PRKN: variants seen among roughly 807,000 people sequenced by gnomAD.
The protein encoded by PRKN is parkin RBR E3 ubiquitin protein ligase, also known as E3 ubiquitin-protein ligase parkin.
Under a neutral mutation model 59.5 loss-of-function variants are expected in PRKN, and 56 were observed. The ratio of observed to expected loss-of-function variants is 0.94; its 90% CI spans 0.76 to 1.18. The LOEUF (loss-of-function observed/expected upper bound fraction) is 1.18, where lower values mean the gene tolerates loss of function less well. PRKN is among the 50% of genes most tolerant of loss of function. The pLI, the probability that PRKN is intolerant of heterozygous loss-of-function variation, is 0.00. For synonymous variants in PRKN, 250 were observed against 222.1 expected (o/e 1.13, Z -1.12); for missense variants, 657 against 596.4 (o/e 1.10, Z -1.06).
At chr6:161,750,472 T>G (rs959974153) in intron 7 of PRKN, among the ~76,000 whole-genome samples, 1 of 152,014 alleles carries the variant, frequency 6.6e-6, no homozygotes, top group Admixed American at 6.6e-5. Context: ...GAATAAATAT[T>G]TTAAGTCAGT....
At chr6:161,571,784 G>T (rs1441332011) in intron 7 of PRKN, among the ~76,000 whole-genome samples, 1 of 152,174 alleles carries the variant, frequency 6.6e-6, no homozygotes, top group African/African-American at 2.4e-5. Flanking sequence ...ATCTGAGTCT[G>T]TGGACCAAGA....
At chr6:161,730,195 ATTCT>A (rs1787624827) in intron 7 of PRKN, among the ~76,000 whole-genome samples, 1 of 147,458 alleles carries the variant, frequency 6.8e-6, no homozygotes, top group Non-Finnish European at 1.5e-5. Context: ...GATGTGTTGC[ATTCT>A]TTCTGTGTTG....
In PRKN at chr6:161,576,230, C is replaced by G. The variant is rs934096283; in HGVS notation, c.872-6814G>C. Among the ~76,000 whole-genome samples the G allele has an allele frequency of 1.3e-5, 2 of 152,180 alleles. No individual in the cohort carries two copies. Among genetic ancestry groups the G allele is most frequent in the Non-Finnish European group, 2.9e-5 (2 of 68,022 alleles). On this transcript the variant is annotated intron_variant, in intron 7 of 11. Transcript: ENST00000366898. This position sits in a 1 kb window ranked among gnomAD's most constrained non-coding sequence, Gnocchi z 4.6. ...TATCGTTTTCATAAATAAAGCCAAG[C>G]TTATTTTAATCCTTTCTCTCTGCTG...
intron 2 of PRKN, among the ~76,000 whole-genome samples, chr6:162,298,172 AG>A (rs1781768819): frequency 7.8e-6 from 1 of 128,570 alleles, no homozygotes; most frequent in Non-Finnish European, 1.6e-5. Flanking sequence ...GACGGAGGGG[AG>A]AGAGAGAGAG....
In PRKN at chr6:161,454,469, T is replaced by C. The variant is rs987960584; in HGVS notation, c.1084-67592A>G. Among the ~76,000 whole-genome samples, 1 of 152,206 alleles carries C rather than the reference T, an allele frequency of 6.6e-6. No homozygotes were observed. The highest frequency in any genetic ancestry group is 2.4e-5 in the African/African-American group (1 of 41,462). ...GGCAGGAGGAACAGCAGTTCATTCG[T>C]GGTCTTGAGTCCAGGTTCCAGGTTC... On this transcript the variant is annotated intron_variant, in intron 9 of 11. Transcript: ENST00000366898. This position sits in a 1 kb window ranked among gnomAD's most constrained non-coding sequence, Gnocchi z 4.6.
intron 7 of PRKN, among the ~76,000 whole-genome samples, chr6:161,623,691 C>T (rs1782989223): frequency 1.3e-5 from 2 of 152,168 alleles, no homozygotes; most frequent in South Asian, 2.1e-4. Context: ...CCTGTGTATA[C>T]TCTCTAACAC....
intron 3 of PRKN, among the ~76,000 whole-genome samples, chr6:162,224,209 A>G (rs534881034): frequency 6.6e-6 from 1 of 152,294 alleles, no homozygotes; most frequent in East Asian, 1.9e-4. Context: ...CTGCCTAACA[A>G]TGTTCTGGTC....
chr6:161,795,950 C>G (rs1414844252), intron 6 of PRKN, among the ~76,000 whole-genome samples: 1 of 152,080 alleles, frequency 6.6e-6, no homozygotes, highest in Non-Finnish European at 1.5e-5. Flanking sequence ...ATTAAAGTCC[C>G]AAATTCTTCC....
At position 162,164,207 on chromosome 6, in the gene PRKN, G is replaced by A. The variant is rs139977465; in HGVS notation, c.534+36924C>T. ...AGTATTTAGCAAAAAAAGGTTTTGA[G>A]TGGTCAACCTGTGTATTTGTTTATT... is the stretch of plus-strand genomic sequence containing the variant. On this transcript the variant is annotated intron_variant, in intron 4 of 11. Coordinates refer to ENST00000366898, the MANE Select transcript of PRKN (RefSeq NM_004562.3). Among the ~76,000 whole-genome samples, 26 of 149,058 alleles carry A rather than the reference G, an allele frequency of 1.7e-4. No individual in the cohort carries two copies. The East Asian group carries it at 5.0e-3, about 29-fold the overall frequency.
chr6:162,226,362 G>C (rs1447009924), intron 3 of PRKN, among the ~76,000 whole-genome samples: 1 of 152,094 alleles, frequency 6.6e-6, no homozygotes, highest in East Asian at 1.9e-4. Flanking sequence ...GCTGTGGATA[G>C]GGGCCCTAGG....
rs1779975759 is a variant in PRKN at position 161,550,723 on chromosome 6, A to ATGTGTGTGTGTGCACGTGTGTGTG, written c.934-1744_934-1721dup. Among the ~76,000 whole-genome samples the ATGTGTGTGTGTGCACGTGTGTGTG allele has an allele frequency of 8.4e-6, 1 of 119,350 alleles. No individual in the cohort carries two copies. The highest frequency in any genetic ancestry group is 1.9e-5 in the Non-Finnish European group (1 of 53,638). The allele number at this position is 119,350 out of a possible 152,430, so 78.3% of individuals were successfully genotyped here. A position where few individuals can be genotyped will look rare whatever the true frequency, so the allele number is the denominator to read the frequency against. ...GGACAACTGTGGTAGAAGAAAGGGT[A>ATGTGTGTGTGTGCACGTGTGTGTG]TGTGTGTGTGTGCACGTGTGTGTGT... On this transcript the variant is annotated intron_variant, in intron 8 of 11. Transcript: ENST00000366898. The surrounding 1 kb of genome is among the most constrained non-coding windows in gnomAD (Gnocchi z 4.0).
At chr6:162,029,431 G>A (rs1783557063) in intron 5 of PRKN, among the ~76,000 whole-genome samples, 1 of 152,154 alleles carries the variant, frequency 6.6e-6, no homozygotes, top group African/African-American at 2.4e-5. Context: ...AAGGGATGTG[G>A]CTTTCACATC....
chr6:162,429,705 C>T (rs1347949638), intron 2 of PRKN, among the ~76,000 whole-genome samples: 1 of 152,150 alleles, frequency 6.6e-6, no homozygotes, highest in Non-Finnish European at 1.5e-5. Flanking sequence ...TTAAAGTCTG[C>T]ACTCAAATAG....
Position 161,372,396 on chromosome 6 carries a change from A to G in PRKN, c.1168-12191T>C, listed in dbSNP as rs921299591. On this transcript the variant is annotated intron_variant, in intron 10 of 11. Transcript: ENST00000366898. The surrounding 1 kb of genome is among the most constrained non-coding windows in gnomAD (Gnocchi z 4.2). ...GGGGTCAAAGCCGACCACAGAGCCTACCTTTTGTGCAAAGTATAGTTATTC... is the reference window on the plus strand; with the variant it reads ...GGGGTCAAAGCCGACCACAGAGCCTGCCTTTTGTGCAAAGTATAGTTATTC... Among the ~76,000 whole-genome samples the G allele has an allele frequency of 4.6e-5, 7 of 152,202 alleles. No homozygotes were observed. Among genetic ancestry groups the G allele is most frequent in the Admixed American group, 4.6e-4 (7 of 15,284 alleles).
intron 5 of PRKN, among the ~76,000 whole-genome samples, chr6:162,040,237 A>G (rs1028217849): frequency 6.6e-5 from 10 of 152,240 alleles, no homozygotes; most frequent in Middle Eastern, 6.8e-3. Context: ...GGCATTTACA[A>G]TGTTGTTTGG....
intron 1 of PRKN, among the ~76,000 whole-genome samples, chr6:162,496,553 A>G (rs1219242402): frequency 6.6e-6 from 1 of 152,154 alleles, no homozygotes; most frequent in Non-Finnish European, 1.5e-5. Flanking sequence ...GTAGATAATA[A>G]ATGTCTCAGA....
chr6:162,595,297 C>A (rs1051364973), intron 1 of PRKN, among the ~76,000 whole-genome samples: 1 of 151,570 alleles, frequency 6.6e-6, no homozygotes, highest in African/African-American at 2.4e-5. Context: ...TTTCTATCAC[C>A]CAACCTGGAG....
At chr6:161,961,843 G>A (rs894949977) in intron 6 of PRKN, among the ~76,000 whole-genome samples, 3 of 152,160 alleles carry the variant, frequency 2.0e-5, no homozygotes, top group East Asian at 1.9e-4. Flanking sequence ...TCAAATGCCT[G>A]CATGAGACTG....
intron 8 of PRKN, among the ~76,000 whole-genome samples, chr6:161,565,908 C>G (rs1414004589): frequency 6.6e-6 from 1 of 152,126 alleles, no homozygotes; most frequent in African/African-American, 2.4e-5. Context: ...TTCTGTCTCC[C>G]CCACTGTTAC....
Sources: allele counts gnomAD v4.1 joint callset (sites outside exome capture counted in the v4.1 genomes callset), GRCh38; gene constraint gnomAD v4.1.1; non-coding constraint Gnocchi (gnomAD v3.1); transcripts MANE v1.5; gene names NCBI Gene and HGNC (gene_info 2026-07-23, HGNC 2026-07-21).